TP73: variants seen among roughly 807,000 people sequenced by gnomAD.
TP73 encodes tumor protein p73, also known as p53-like transcription factor.
TP73 carries 25 observed loss-of-function variants against 62.5 expected under a neutral mutation model. The ratio of observed to expected loss-of-function variants is 0.40; its 90% CI spans 0.29 to 0.56. The LOEUF is 0.56. Among genes scored for constraint, TP73 ranks in the 20% least tolerant of loss-of-function variants. The pLI, the probability that TP73 is intolerant of heterozygous loss-of-function variation, is 0.46. For synonymous variants in TP73, 423 were observed against 377.5 expected, an observed-to-expected ratio of 1.12 and a Z score of -1.40; for missense variants, 754 against 913.3, an observed-to-expected ratio of 0.83 and a Z score of 2.25.
chr1:3,722,842 T>C (rs2124482069), intron 5 of TP73, among the ~76,000 whole-genome samples: 1 of 145,036 alleles, frequency 6.9e-6, no homozygotes, highest in South Asian at 2.2e-4. Flanking sequence ...GGCACCTCTC[T>C]GCACCTGGCA....
intron 1 of TP73, among the ~76,000 whole-genome samples, chr1:3,679,485 C>T (rs1303025119): frequency 1.3e-5 from 2 of 152,024 alleles, no homozygotes; most frequent in African/African-American, 2.4e-5. Context: ...CTCTCTCCAT[C>T]TCTCTCTGTC....
chr1:3,706,913 G>A (rs1293690215), intron 3 of TP73, among the ~76,000 whole-genome samples: 2 of 152,134 alleles, frequency 1.3e-5, no homozygotes, highest in African/African-American at 2.4e-5. Context: ...AGCGTGGAGC[G>A]GCCTTTCCAG....
chr1:3,733,208 G>C lies in TP73; in HGVS notation c.*129G>C. The stretch of plus-strand genomic sequence containing the variant: ...CTGTGCCCGGGGAAAGGCAAGGTCC[G>C]GCCCATCCCCAGGCACCTCACAGGC... On this transcript the variant is annotated 3_prime_UTR_variant, in exon 14 of 14. Coordinates refer to ENST00000378295, the MANE Select transcript of TP73 (RefSeq NM_005427.4). The C allele has an allele frequency of 8.6e-7, 1 of 1,156,300 alleles. No individual in the cohort carries two copies. Among genetic ancestry groups the C allele is most frequent in the South Asian group, 1.6e-5 (1 of 62,186 alleles). 71.6% of individuals were successfully genotyped at this position (1,156,300 alleles called of 1,614,324 possible). A position where few individuals can be genotyped will look rare whatever the true frequency, so the allele number is the denominator to read the frequency against.
intron 3 of TP73, among the ~76,000 whole-genome samples, chr1:3,702,458 C>T (rs1639249155): frequency 1.3e-5 from 2 of 152,030 alleles, no homozygotes; most frequent in South Asian, 4.1e-4. Context: ...CCACTGCCTG[C>T]TGCCCACACC....
At chr1:3,721,362 C>T (rs1381552212) in intron 4 of TP73, among the ~76,000 whole-genome samples, 2 of 152,210 alleles carry the variant, frequency 1.3e-5, no homozygotes, top group East Asian at 1.9e-4. Context: ...CCCAGAGGGG[C>T]CCCCAGAGTG....
chr1:3,723,517 G>T (rs778304442), intron 6 of TP73, 48 bp downstream of exon 6: 2 of 1,237,828 alleles, frequency 1.6e-6, no homozygotes, highest in South Asian at 1.2e-5. Flanking sequence ...TCAGCTGTAC[G>T]GGTCGGGGGA....
At position 3,733,033 on chromosome 1, in the gene TP73, G is replaced by T; in HGVS notation, c.1865G>T (p.Arg622Leu). 6.5e-7 allele frequency: 1 copy of T among 1,547,630 alleles called. No homozygotes were observed. Residue 622 changes from arginine (R) to leucine (L), a missense_variant, in exon 14 of 14, where the codon CGC becomes CTC. Physicochemically the swap from Arg to Leu is moderately radical, Grantham distance 102 (BLOSUM62 -2). Coordinates refer to ENST00000378295, the MANE Select transcript of TP73 (RefSeq NM_005427.4). ...TTCGACCTGCCCGACTGCAAGGCCC[G>T]CAAGCAGCCCATCAAGGAGGAGTTC... ...FGFDLPDCKA[R>L]KQPIKEEFTE...
chr1:3,669,108 C>A (rs1283283394), intron 1 of TP73, among the ~76,000 whole-genome samples: 2 of 152,242 alleles, frequency 1.3e-5, no homozygotes, highest in African/African-American at 2.4e-5. Flanking sequence ...GAGCCAGGAG[C>A]CAGCCGAGGG....
At position 3,666,545 on chromosome 1, in the gene TP73, C is replaced by T. The variant is rs1374326420; in HGVS notation, c.-34+13904C>T. ...TGTGGGGAGAAAGGAAGGGGTCTGACAGTGAAGGTGGGTGCGTGGGCGGGG... is the reference window on the plus strand; with the variant it reads ...TGTGGGGAGAAAGGAAGGGGTCTGATAGTGAAGGTGGGTGCGTGGGCGGGG... On this transcript the variant is annotated intron_variant, in intron 1 of 13. Transcript: ENST00000378295. The surrounding 1 kb of genome is among the most constrained non-coding windows in gnomAD (Gnocchi z 6.4). Among the ~76,000 whole-genome samples the T allele has an allele frequency of 6.6e-6, 1 of 152,138 alleles. No individual in the cohort carries two copies. Among genetic ancestry groups the T allele is most frequent in the Admixed American group, 6.5e-5 (1 of 15,272 alleles).
chr1:3,678,483 T>A (rs975494667), intron 1 of TP73, among the ~76,000 whole-genome samples: 1 of 152,234 alleles, frequency 6.6e-6, no homozygotes. Context: ...CCTGTGCCTG[T>A]GAGCAGTGTT....
chr1:3,723,409 G>C lies in TP73; in HGVS notation c.672G>C (p.Gln224His). The C allele has an allele frequency of 6.2e-7, 1 of 1,612,650 alleles. No individual in the cohort carries two copies. Among genetic ancestry groups the C allele is most frequent in the Non-Finnish European group, 8.5e-7 (1 of 1,179,874 alleles). ...GCGTGGAAGGCAATAATCTCTCGCAGTATGTGGATGACCCTGTCACCGGCA... is the reference window on the plus strand; with the variant it reads ...GCGTGGAAGGCAATAATCTCTCGCACTATGTGGATGACCCTGTCACCGGCA... ...LIRVEGNNLS[Q>H]YVDDPVTGRQ... Residue 224 changes from glutamine to histidine, a missense_variant, in exon 6 of 14, where the codon CAG becomes CAC. Coordinates refer to ENST00000378295, the MANE Select transcript of TP73 (RefSeq NM_005427.4).
At chr1:3,686,861 G>A (rs1461737678) in intron 3 of TP73, among the ~76,000 whole-genome samples, 1 of 152,170 alleles carries the variant, frequency 6.6e-6, no homozygotes, top group African/African-American at 2.4e-5. Flanking sequence ...TCAGTTTCCT[G>A]TCTATAAATG....
At chr1:3,724,014 C>T (rs1333007112) in intron 6 of TP73, among the ~76,000 whole-genome samples, 2 of 151,902 alleles carry the variant, frequency 1.3e-5, no homozygotes, top group African/African-American at 4.8e-5. Flanking sequence ...CCGGGAGGCC[C>T]CGCTGGGCAC....
At chr1:3,698,815 C>T (rs1213646733) in intron 3 of TP73, among the ~76,000 whole-genome samples, 2 of 152,116 alleles carry the variant, frequency 1.3e-5, no homozygotes, top group South Asian at 2.1e-4. Context: ...ATCTGCAAGG[C>T]CCCCATGTGG....
At position 3,733,703 on chromosome 1, in the gene TP73, CA is replaced by C. The variant is rs1642300875; in HGVS notation, c.*626del. 6.5e-6 allele frequency: 1 copy of C among 153,676 alleles called. No individual in the cohort carries two copies. The highest frequency in any genetic ancestry group is 1.5e-5 in the Non-Finnish European group (1 of 68,432). The allele number at this position is 153,676 out of a possible 1,614,324, so 9.5% of individuals were successfully genotyped here. On this transcript the variant is annotated 3_prime_UTR_variant, in exon 14 of 14. Transcript: ENST00000378295. ...ACCGCCTCCTTCCTGCCCCTAACAA[CA>C]ACCACAGTGTTGCTGAAATTGGAGA...
rs1181869 is a variant in TP73 at position 3,734,534 on chromosome 1, C to T, written c.*1455C>T. ...TTCTGGCACGGCCAGCTCCACACCC[C>T]CTGCCTAGGGTATGTGTGGTCCTAA... On this transcript the variant is annotated 3_prime_UTR_variant, in exon 14 of 14. Coordinates refer to ENST00000378295, the MANE Select transcript of TP73 (RefSeq NM_005427.4). This position sits in a 1 kb window ranked among gnomAD's most constrained non-coding sequence, Gnocchi z 4.4. 0.54 allele frequency: 81,947 copies of T among 152,078 alleles called. 26,253 individuals carry two copies. Among genetic ancestry groups the T allele is most frequent in the Non-Finnish European group, 0.73 (49,960 of 67,990 alleles). The allele number at this position is 152,078 out of a possible 1,614,324, so 9.4% of individuals were successfully genotyped here. A position where few individuals can be genotyped will look rare whatever the true frequency, so the allele number is the denominator to read the frequency against.
intron 1 of TP73, among the ~76,000 whole-genome samples, chr1:3,679,686 G>C (rs938764158): frequency 9.1e-5 from 13 of 142,852 alleles, no homozygotes; most frequent in African/African-American, 3.4e-4. Flanking sequence ...GTCTCTCTTT[G>C]TCCCTGTCTC....
At chr1:3,685,490 G>A (rs927378628) in intron 3 of TP73, among the ~76,000 whole-genome samples, 1 of 152,244 alleles carries the variant, frequency 6.6e-6, no homozygotes, top group East Asian at 1.9e-4. Flanking sequence ...ATGAAGGCAG[G>A]CCCAGGCCTG....
At chr1:3,721,151 G>A (rs1044848586) in intron 4 of TP73, among the ~76,000 whole-genome samples, 4 of 152,234 alleles carry the variant, frequency 2.6e-5, no homozygotes, top group Admixed American at 6.5e-5. Flanking sequence ...CGGCCTCAGC[G>A]GGGTCACTTT....
Sources: allele counts gnomAD v4.1 joint callset (sites outside exome capture counted in the v4.1 genomes callset), GRCh38; gene constraint gnomAD v4.1.1; non-coding constraint Gnocchi (gnomAD v3.1); transcripts MANE v1.5; gene names NCBI Gene and HGNC (gene_info 2026-07-23, HGNC 2026-07-21).